Variants in NEDD4L observed in about 807,000 individuals in gnomAD.
NEDD4L encodes the protein E3 ubiquitin-protein ligase NEDD4-like.
Under a neutral mutation model 148.9 loss-of-function variants are expected in NEDD4L, and 54 were observed. That is an observed-to-expected ratio of 0.36 (90% CI 0.29 to 0.45). The LOEUF (loss-of-function observed/expected upper bound fraction) is 0.45. NEDD4L is among the 20% of genes least tolerant of loss of function. The probability of loss-of-function intolerance (pLI) is 1.00; values close to 1 mark genes in which losing one functional copy is unlikely to be tolerated. For missense variants in NEDD4L, 856 were observed against 1,233.8 expected (o/e 0.69, Z 4.59); for synonymous variants, 433 against 440.7 (o/e 0.98, Z 0.22).
intron 1 of NEDD4L, among the ~76,000 whole-genome samples, chr18:58,108,132 C>T (rs2085188972): frequency 6.6e-6 from 1 of 152,170 alleles, no homozygotes; most frequent in Non-Finnish European, 1.5e-5. Flanking sequence ...TGAAGAGATA[C>T]TGTGTTAGCT....
chr18:58,049,644 C>G (rs891783368), intron 1 of NEDD4L, among the ~76,000 whole-genome samples: 1 of 152,104 alleles, frequency 6.6e-6, no homozygotes, highest in African/African-American at 2.4e-5. Flanking sequence ...CATTTAAAAT[C>G]AGTTTTTAAA....
chr18:58,191,728 G>A (rs1320028636), intron 2 of NEDD4L, among the ~76,000 whole-genome samples: 1 of 152,204 alleles, frequency 6.6e-6, no homozygotes, highest in Admixed American at 6.5e-5. Flanking sequence ...CATATAATTG[G>A]TGATTTCAGA....
At chr18:58,331,326 A>G (rs1796729064) in intron 11 of NEDD4L, among the ~76,000 whole-genome samples, 1 of 152,184 alleles carries the variant, frequency 6.6e-6, no homozygotes, top group African/African-American at 2.4e-5. Flanking sequence ...CAGTCCTCTT[A>G]AGTCATATTC....
At chr18:58,241,681 T>C (rs2046657321) in intron 2 of NEDD4L, among the ~76,000 whole-genome samples, 1 of 152,006 alleles carries the variant, frequency 6.6e-6, no homozygotes, top group African/African-American at 2.4e-5. Flanking sequence ...GTCACAATCA[T>C]GTTTTCATTT....
chr18:58,273,413 C>T (rs1183765373), intron 5 of NEDD4L, among the ~76,000 whole-genome samples: 6 of 152,148 alleles, frequency 3.9e-5, no homozygotes, highest in African/African-American at 4.8e-5. Context: ...CTCTCTCTCT[C>T]GTTGTTACTC....
At chr18:58,370,234 C>T (rs2046672449) in intron 22 of NEDD4L, among the ~76,000 whole-genome samples, 163 bp from the exon 23 acceptor site, 1 of 152,218 alleles carries the variant, frequency 6.6e-6, no homozygotes, top group East Asian at 1.9e-4. Flanking sequence ...TGCCACTCTC[C>T]CCCTGATCTC....
rs140283094 is a variant in NEDD4L at position 58,063,664 on chromosome 18, C to T, written c.48+18956C>T. Among the ~76,000 whole-genome samples the T allele has an allele frequency of 6.8e-3, 1,031 of 150,836 alleles. 11 individuals carry two copies. Among genetic ancestry groups the T allele is most frequent in the African/African-American group, 0.023 (928 of 41,124 alleles). Reference sequence around the variant, plus strand: ...CACTGTAACCTCCACCTGCCGGGTTCAAGTGATTCTCCTGCCTCAGCCTCC... The same window carrying T: ...CACTGTAACCTCCACCTGCCGGGTTTAAGTGATTCTCCTGCCTCAGCCTCC... On this transcript the variant is annotated intron_variant, in intron 1 of 30. Coordinates refer to ENST00000400345, the MANE Select transcript of NEDD4L (RefSeq NM_001144967.3).
intron 5 of NEDD4L, among the ~76,000 whole-genome samples, chr18:58,275,639 G>GC (rs2051797759): frequency 1.3e-5 from 2 of 152,206 alleles, no homozygotes; most frequent in South Asian, 4.1e-4. Flanking sequence ...GCACCAGCCT[G>GC]CCCCCTGCCA....
chr18:58,080,655 G>T (rs1311831620), intron 1 of NEDD4L, among the ~76,000 whole-genome samples: 2 of 152,208 alleles, frequency 1.3e-5, no homozygotes, highest in Non-Finnish European at 2.9e-5. Context: ...CTCAGGCGGG[G>T]ATGTGTAGCT....
chr18:58,254,587 A>G (rs1363590998), intron 5 of NEDD4L, among the ~76,000 whole-genome samples: 2 of 140,332 alleles, frequency 1.4e-5, no homozygotes, highest in East Asian at 4.4e-4. Flanking sequence ...GCCCACATGC[A>G]CTCCCTTCTT....
At chr18:58,302,730 A>G (rs941704916) in intron 5 of NEDD4L, among the ~76,000 whole-genome samples, 1 of 152,136 alleles carries the variant, frequency 6.6e-6, no homozygotes, top group Non-Finnish European at 1.5e-5. Context: ...TCTTAGCCCC[A>G]TTTTCCAGAT....
intron 5 of NEDD4L, among the ~76,000 whole-genome samples, chr18:58,307,294 C>T (rs1352953349): frequency 6.9e-6 from 1 of 145,108 alleles, no homozygotes; most frequent in Non-Finnish European, 1.5e-5. Context: ...AGGCAGGAAG[C>T]ACACTAGCAG....
chr18:58,317,293 C>T (rs1023032195), intron 6 of NEDD4L, among the ~76,000 whole-genome samples: 1 of 152,220 alleles, frequency 6.6e-6, no homozygotes, highest in South Asian at 2.1e-4. Context: ...TCTCAGGTCA[C>T]GTTGGGAGGA....
intron 2 of NEDD4L, among the ~76,000 whole-genome samples, chr18:58,205,942 A>G (rs370898846): frequency 6.6e-6 from 1 of 152,112 alleles, no homozygotes; most frequent in East Asian, 1.9e-4. Flanking sequence ...CTCCTTCTGC[A>G]TATGTCTGGA....
chr18:58,350,002 G>A (rs1350473452), intron 17 of NEDD4L, among the ~76,000 whole-genome samples: 2 of 152,166 alleles, frequency 1.3e-5, no homozygotes, highest in African/African-American at 4.8e-5. Flanking sequence ...GGAGAAGAAG[G>A]CCTAATTAAT....
intron 16 of NEDD4L, among the ~76,000 whole-genome samples, chr18:58,345,038 G>A (rs2042873975): frequency 6.6e-6 from 1 of 152,220 alleles, no homozygotes; most frequent in Admixed American, 6.5e-5. Flanking sequence ...TTTATTTATT[G>A]CTTGCAACAT....
chr18:58,184,919 C>T (rs919688718), intron 2 of NEDD4L, among the ~76,000 whole-genome samples: 1 of 150,920 alleles, frequency 6.6e-6, no homozygotes, highest in African/African-American at 2.5e-5. Flanking sequence ...CAGAGCGAGA[C>T]TCCATCTCAA....
At chr18:58,235,465 A>T (rs1450337215) in intron 2 of NEDD4L, among the ~76,000 whole-genome samples, 1 of 152,212 alleles carries the variant, frequency 6.6e-6, no homozygotes, top group Non-Finnish European at 1.5e-5. Flanking sequence ...GTGAAGTGCA[A>T]GCCGAGTCCT....
chr18:58,345,913 G>GT (rs1165218344), intron 16 of NEDD4L, among the ~76,000 whole-genome samples: 13 of 91,862 alleles, frequency 1.4e-4, no homozygotes, highest in African/African-American at 5.2e-4. Flanking sequence ...GCTAATTTTT[G>GT]TTGTTTTTTG....
Sources: gnomAD v4.1 joint callset for allele counts (sites outside exome capture counted in the v4.1 genomes callset) on GRCh38, gnomAD v4.1.1 for gene constraint, MANE v1.5 for transcripts, NCBI Gene and HGNC (gene_info 2026-07-23, HGNC 2026-07-21) for gene names.